The following RAB11FIP2 variants were observed in gnomAD, a reference collection of about 807,000 sequenced individuals.
RAB11FIP2 encodes rab11 family-interacting protein 2.
In RAB11FIP2, 16 loss-of-function variants were observed where a neutral mutation model predicts 40.9. The observed-to-expected ratio is 0.39, with a 90% CI of 0.26 to 0.59. RAB11FIP2 has a LOEUF of 0.59. Among genes scored for constraint, RAB11FIP2 ranks in the 20% least tolerant of loss-of-function variants. The pLI is 0.53. For missense variants in RAB11FIP2, 532 were observed against 606.2 expected (o/e 0.88, Z 1.28); for synonymous variants, 228 against 213.7 (o/e 1.07, Z -0.58).
chr10:118,038,217 C>A (rs901464743), intron 3 of RAB11FIP2, among the ~76,000 whole-genome samples: 14 of 149,674 alleles, frequency 9.4e-5, no homozygotes, highest in African/African-American at 3.2e-4. Context: ...TAAATTTATT[C>A]CTTAGCATAT....
rs576182820 is a variant in RAB11FIP2, at chr10:118,009,037, A to C, written c.1500T>G (p.Tyr500Ter). Residue 500 changes from tyrosine to a stop codon, truncating the protein, a stop_gained, in exon 5 of 5, where the codon TAT becomes TAG. Transcript: ENST00000355624. LOFTEE classifies it high-confidence loss of function. ...ATTTGCCAGCTTTCCTGGATGGTTC[A>C]TACGGCACTCTGAGAATACTGGGCG... ...EETPSILRVP[Y>*]EPSRKAGKFS... is the part of the protein sequence containing the mutation. 1 of 1,613,388 alleles carries C rather than the reference A, an allele frequency of 6.2e-7. No homozygotes were observed. Among genetic ancestry groups the C allele is most frequent in the Non-Finnish European group, 8.5e-7 (1 of 1,179,570 alleles).
chr10:118,036,096 T>C (rs930037598), intron 3 of RAB11FIP2, among the ~76,000 whole-genome samples: 1 of 152,128 alleles, frequency 6.6e-6, no homozygotes, highest in African/African-American at 2.4e-5. Flanking sequence ...TGTGCCTTAG[T>C]ACATTTTAAA....
chr10:118,030,392 T>C (rs542740759), intron 3 of RAB11FIP2, among the ~76,000 whole-genome samples: 12 of 152,282 alleles, frequency 7.9e-5, no homozygotes, highest in Admixed American at 2.6e-4. Flanking sequence ...TCTTTAAGTA[T>C]TGGACTCGCT....
chr10:118,040,074 A>T, intron 2 of RAB11FIP2, 49 bp downstream of exon 2: 1 of 1,491,812 alleles, frequency 6.7e-7, no homozygotes, highest in Non-Finnish European at 9.1e-7. Flanking sequence ...AACTTTAAAA[A>T]CTAAAAGGGT....
chr10:118,042,030 C>T (rs1487244593), intron 1 of RAB11FIP2, among the ~76,000 whole-genome samples: 1 of 151,984 alleles, frequency 6.6e-6, no homozygotes, highest in East Asian at 1.9e-4. Context: ...CAATTGAGCA[C>T]TCAAAAAGCC....
intron 4 of RAB11FIP2, among the ~76,000 whole-genome samples, chr10:118,012,923 T>G (rs1846174787): frequency 6.6e-6 from 1 of 152,086 alleles, no homozygotes; most frequent in Admixed American, 6.6e-5. Flanking sequence ...AATGTCCATA[T>G]GCAGACATAG....
In RAB11FIP2 at chr10:118,045,797, A is replaced by C. The variant is rs760356813; in HGVS notation, c.353+14T>G. 1.3e-6 allele frequency: 2 copies of C among 1,545,738 alleles called. No individual in the cohort carries two copies. Among genetic ancestry groups the C allele is most frequent in the South Asian group, 1.2e-5 (1 of 83,044 alleles). On this transcript the variant is annotated intron_variant, in intron 1 of 4. Transcript: ENST00000355624. The stretch of plus-strand genomic sequence containing the variant: ...ATAAACTCCCCCAAATTCAAAATAA[A>C]TTACATAACTTACTCTGTTTTCCTT...
At chr10:118,045,735 G>A (rs1160487700) in intron 1 of RAB11FIP2, 76 bp downstream of exon 1, 3 of 1,229,412 alleles carry the variant, frequency 2.4e-6, no homozygotes, top group Non-Finnish European at 3.4e-6. Context: ...CGAAGTATAC[G>A]GATAATTTCC....
rs1171387469 is a variant in RAB11FIP2 at position 118,046,505 on chromosome 10, G to A, written c.-342C>T. 1 of 97,310 alleles carries A rather than the reference G, an allele frequency of 1.0e-5. No homozygotes were observed. Among genetic ancestry groups the A allele is most frequent in the South Asian group, 3.6e-4 (1 of 2,764 alleles). The allele number at this position is 97,310 out of a possible 1,614,324, so 6.0% of individuals were successfully genotyped here. On this transcript the variant is annotated 5_prime_UTR_variant, in exon 1 of 5. Coordinates refer to ENST00000355624, the MANE Select transcript of RAB11FIP2 (RefSeq NM_014904.3). ...CACGGACCCGGGCGGAGGGCTGCGG[G>A]GGTGAAGGGAGCCCCCGCCCCAATT... is the stretch of plus-strand genomic sequence containing the variant.
At position 118,006,112 on chromosome 10, in the gene RAB11FIP2, T is replaced by C. The variant is rs1846087933; in HGVS notation, c.*2886A>G. On this transcript the variant is annotated 3_prime_UTR_variant, in exon 5 of 5. Coordinates refer to ENST00000355624, the MANE Select transcript of RAB11FIP2 (RefSeq NM_014904.3). Reference sequence around the variant, plus strand: ...CGTTTTTCATGAATGGGTTACATGTTGTTTTATATACAATTCTAAGATATG... The same window carrying C: ...CGTTTTTCATGAATGGGTTACATGTCGTTTTATATACAATTCTAAGATATG... 1 of 152,634 alleles carries C rather than the reference T, an allele frequency of 6.6e-6. No homozygotes were observed. The highest frequency in any genetic ancestry group is 1.5e-5 in the Non-Finnish European group (1 of 68,018). 9.5% of individuals were successfully genotyped at this position (152,634 alleles called of 1,614,324 possible). A position where few individuals can be genotyped will look rare whatever the true frequency, so the allele number is the denominator to read the frequency against.
chr10:118,029,871 T>A (rs17097285), intron 3 of RAB11FIP2, among the ~76,000 whole-genome samples: 7,152 of 152,126 alleles, frequency 0.047, 404 homozygotes, highest in East Asian at 0.17. Flanking sequence ...CTGGACCAAA[T>A]ATTTGAAGTT....
At chr10:118,042,473 A>G (rs955302020) in intron 1 of RAB11FIP2, among the ~76,000 whole-genome samples, 4 of 152,214 alleles carry the variant, frequency 2.6e-5, no homozygotes, top group Non-Finnish European at 5.9e-5. Flanking sequence ...GCAGGAAAAT[A>G]GAAGCTCTTT....
chr10:118,015,176 A>C, intron 3 of RAB11FIP2, 66 bp from the exon 4 acceptor site: 1 of 1,364,744 alleles, frequency 7.3e-7, no homozygotes, highest in East Asian at 2.4e-5. Context: ...AAAAATAGAA[A>C]AATTTTAACC....
chr10:118,040,712 C>T (rs1424183833), intron 1 of RAB11FIP2, 147 bp from the exon 2 acceptor site: 8 of 603,616 alleles, frequency 1.3e-5, no homozygotes, highest in African/African-American at 3.7e-5. Context: ...CACAGTATTT[C>T]GGGCTTTACT....
At chr10:118,024,343 T>TA (rs1226190119) in intron 3 of RAB11FIP2, among the ~76,000 whole-genome samples, 1 of 152,144 alleles carries the variant, frequency 6.6e-6, no homozygotes, top group Non-Finnish European at 1.5e-5. Context: ...TCTCTTGATA[T>TA]AAAATGAGTA....
chr10:118,027,309 A>T (rs1024800636), intron 3 of RAB11FIP2, among the ~76,000 whole-genome samples: 2 of 152,198 alleles, frequency 1.3e-5, no homozygotes, highest in African/African-American at 4.8e-5. Context: ...TACTTATCCT[A>T]TACTCCCTTC....
At chr10:118,028,362 T>A (rs1846371078) in intron 3 of RAB11FIP2, among the ~76,000 whole-genome samples, 2 of 151,358 alleles carry the variant, frequency 1.3e-5, no homozygotes, top group Non-Finnish European at 2.9e-5. Context: ...AAATATATCA[T>A]GTCAAAGACC....
intron 3 of RAB11FIP2, among the ~76,000 whole-genome samples, chr10:118,031,279 T>C (rs1212784986): frequency 2.0e-5 from 3 of 152,132 alleles, no homozygotes; most frequent in South Asian, 2.1e-4. Flanking sequence ...ATTATAAAAA[T>C]GAAGGTTTAA....
At position 118,005,997 on chromosome 10, in the gene RAB11FIP2, T is replaced by A. The variant is rs1170550892; in HGVS notation, c.*3001A>T. ...CCACCAAAAGCAATAGATGTAGTTATGTATAATCTATAGATAATACTACAT... is the reference window on the plus strand; with the variant it reads ...CCACCAAAAGCAATAGATGTAGTTAAGTATAATCTATAGATAATACTACAT... On this transcript the variant is annotated 3_prime_UTR_variant, in exon 5 of 5. Transcript: ENST00000355624. The A allele has an allele frequency of 6.6e-6, 1 of 152,636 alleles. No homozygotes were observed. Among genetic ancestry groups the A allele is most frequent in the Non-Finnish European group, 1.5e-5 (1 of 68,032 alleles). The allele number at this position is 152,636 out of a possible 1,614,324, so 9.5% of individuals were successfully genotyped here.
Sources: allele counts gnomAD v4.1 joint callset (sites outside exome capture counted in the v4.1 genomes callset), GRCh38; gene constraint gnomAD v4.1.1; transcripts MANE v1.5; gene names NCBI Gene and HGNC (gene_info 2026-07-23, HGNC 2026-07-21).